The following ECT2 variants were observed in gnomAD, a reference collection of about 807,000 sequenced individuals.
The protein encoded by ECT2 is protein ECT2.
ECT2 carries 61 observed loss-of-function variants against 116.9 expected under a neutral mutation model. The ratio of observed to expected loss-of-function variants is 0.52; its 90% CI spans 0.42 to 0.65. The LOEUF (loss-of-function observed/expected upper bound fraction) is 0.65, where lower values mean the gene tolerates loss of function less well. ECT2 is among the 30% of genes least tolerant of loss of function. The pLI, the probability that ECT2 is intolerant of heterozygous loss-of-function variation, is 0.00. For synonymous variants in ECT2, 358 were observed against 346.4 expected, an observed-to-expected ratio of 1.03 and a Z score of -0.37; for missense variants, 937 against 1,078.7, an observed-to-expected ratio of 0.87 and a Z score of 1.84.
chr3:172,760,705 T>C (rs893886724), intron 7 of ECT2, among the ~76,000 whole-genome samples: 1 of 146,820 alleles, frequency 6.8e-6, no homozygotes, highest in African/African-American at 2.5e-5. Context: ...TACTCTTGTC[T>C]AAGTGCCTTT....
Position 172,816,707 on chromosome 3 carries a change from C to G in ECT2, c.2525C>G (p.Ser842Cys). The change falls in exon 24 of 25, where the codon TCT (serine) becomes TGT (cysteine). Residue 842 changes from serine to cysteine, a missense_variant. Ser to Cys is a moderately radical substitution (Grantham distance 112). Coordinates refer to ENST00000392692, the MANE Select transcript of ECT2 (RefSeq NM_001258315.2). The stretch of plus-strand genomic sequence containing the variant: ...AAACTCTAGGTTACAAGAGCATTCT[C>G]TTTCTCCAAAACTCCAAAAAGAGCT... The part of the protein sequence containing the change: ...KTSKKVTRAF[S>C]FSKTPKRALR... 1 of 1,602,978 alleles carries G rather than the reference C, an allele frequency of 6.2e-7. No individual in the cohort carries two copies. The highest frequency in any genetic ancestry group is 8.5e-7 in the Non-Finnish European group (1 of 1,172,452).
chr3:172,808,490 T>G (rs540750647), intron 22 of ECT2, among the ~76,000 whole-genome samples: 1 of 152,338 alleles, frequency 6.6e-6, no homozygotes, highest in African/African-American at 2.4e-5. Context: ...ATTATCATTA[T>G]ACTATACAGA....
intron 17 of ECT2, among the ~76,000 whole-genome samples, chr3:172,786,073 C>CT (rs1298990909): frequency 6.6e-6 from 1 of 152,100 alleles, no homozygotes; most frequent in African/African-American, 2.4e-5. Flanking sequence ...GTATAAATCT[C>CT]TAAGGTAACA....
downstream of ECT2, among the ~76,000 whole-genome samples, chr3:172,821,686 T>C (rs1730694478): frequency 1.3e-5 from 2 of 151,914 alleles, no homozygotes; most frequent in South Asian, 4.1e-4. Flanking sequence ...GTGAATCCTA[T>C]AATGTTTTAT....
intron 12 of ECT2, among the ~76,000 whole-genome samples, chr3:172,767,471 A>G (rs778956493): frequency 1.3e-5 from 2 of 152,188 alleles, no homozygotes; most frequent in Admixed American, 6.5e-5. Context: ...TCCATAGTAC[A>G]TAATTGTTTT....
intron 18 of ECT2, among the ~76,000 whole-genome samples, chr3:172,789,998 AT>A (rs35091912): frequency 0.14 from 21,364 of 149,440 alleles, 1,746 homozygotes; most frequent in Non-Finnish European, 0.19. Context: ...CGATTCACAA[AT>A]TTTTTTTTTT....
Position 172,762,540 on chromosome 3 carries a change from A to T in ECT2, c.883A>T (p.Met295Leu). The part of the protein sequence containing the change: ...EKTNMEEMTE[M>L]QGGKYLPLGD... ...AACCAATATGGAAGAAATGACTGAA[A>T]TGCAAGGTAAAATTTAGCATAATGT... Residue 295 changes from methionine (M) to leucine (L), a missense_variant, in exon 9 of 25, where the codon ATG becomes TTG. Physicochemically the swap from Met to Leu is conservative, Grantham distance 15. Transcript: ENST00000392692. 6.3e-7 allele frequency: 1 copy of T among 1,591,184 alleles called. No individual in the cohort carries two copies. The highest frequency in any genetic ancestry group is 8.5e-7 in the Non-Finnish European group (1 of 1,174,546).
chr3:172,776,198 C>CTTTTT (rs60558773), intron 14 of ECT2, among the ~76,000 whole-genome samples: 30 of 111,594 alleles, frequency 2.7e-4, no homozygotes, highest in African/African-American at 5.2e-4. Flanking sequence ...TCAGTTTTTT[C>CTTTTT]TTTTTTTTTT....
intron 24 of ECT2, among the ~76,000 whole-genome samples, chr3:172,819,878 C>T (rs35713717): frequency 0.46 from 70,579 of 151,948 alleles, 19,469 homozygotes; most frequent in East Asian, 0.69. Flanking sequence ...GGTATCACTA[C>T]TAGCAATAGG....
chr3:172,759,566 C>G (rs558835403), intron 6 of ECT2, among the ~76,000 whole-genome samples: 1 of 152,092 alleles, frequency 6.6e-6, no homozygotes, highest in African/African-American at 2.4e-5. Flanking sequence ...CTCAGCCTCC[C>G]GAGGAGCTGG....
chr3:172,785,885 A>C (rs1386070265), intron 17 of ECT2, among the ~76,000 whole-genome samples: 3 of 152,198 alleles, frequency 2.0e-5, no homozygotes, highest in Admixed American at 6.5e-5. Flanking sequence ...TTATTGTTTA[A>C]GTACTTGTAG....
In ECT2 at chr3:172,755,509, TATAAAG is replaced by T; in HGVS notation, c.243_248del (p.Ile82_Lys83del). On this transcript the variant is annotated inframe_deletion, in exon 4 of 25. Coordinates refer to ENST00000392692, the MANE Select transcript of ECT2 (RefSeq NM_001258315.2). ...CTATTAAAATAATGGAAGTCCCTGT[TATAAAG>T]ATAAAAGAAAGTTGTCCTGGAAAAT... is the stretch of plus-strand genomic sequence containing the variant. 2.0e-6 allele frequency: 3 copies of T among 1,505,632 alleles called. No homozygotes were observed. The highest frequency in any genetic ancestry group is 1.8e-6 in the Non-Finnish European group (2 of 1,115,916). The allele number at this position is 1,505,632 out of a possible 1,614,324, so 93.3% of individuals were successfully genotyped here.
intron 16 of ECT2, 104 bp downstream of exon 16, chr3:172,784,013 C>A: frequency 1.3e-6 from 1 of 749,302 alleles, no homozygotes; most frequent in Non-Finnish European, 2.1e-6. Context: ...TAAAATGTAT[C>A]CATTAATATC....
intron 18 of ECT2, among the ~76,000 whole-genome samples, chr3:172,793,443 G>C (rs556693696): frequency 2.7e-5 from 4 of 149,756 alleles, no homozygotes; most frequent in Non-Finnish European, 4.4e-5. Flanking sequence ...GTGAGCCCCC[G>C]CGCCCAGCCT....
chr3:172,809,098 C>T (rs576985467), intron 22 of ECT2, among the ~76,000 whole-genome samples: 1 of 151,954 alleles, frequency 6.6e-6, no homozygotes, highest in Non-Finnish European at 1.5e-5. Flanking sequence ...TATCCATCCA[C>T]TTTTTCTAGG....
chr3:172,790,588 A>G (rs1331710534), intron 18 of ECT2, among the ~76,000 whole-genome samples: 1 of 152,206 alleles, frequency 6.6e-6, no homozygotes, highest in Non-Finnish European at 1.5e-5. Flanking sequence ...CAATTGACTT[A>G]GTGATTCTTG....
At chr3:172,772,461 G>A (rs1720841548) in intron 13 of ECT2, among the ~76,000 whole-genome samples, 1 of 152,176 alleles carries the variant, frequency 6.6e-6, no homozygotes, top group Admixed American at 6.5e-5. Context: ...CTCTCACAGT[G>A]CTGGGATTAC....
At chr3:172,771,513 T>G (rs1033087546) in intron 13 of ECT2, 1 of 152,214 alleles carries the variant, frequency 6.6e-6, no homozygotes, top group African/African-American at 2.4e-5. Flanking sequence ...GTATTATCAA[T>G]AGCAAGGGTG....
Position 172,773,890 on chromosome 3 carries a change from T to C in ECT2, c.1429-13T>C. 6.2e-7 allele frequency: 1 copy of C among 1,611,704 alleles called. No homozygotes were observed. Among genetic ancestry groups the C allele is most frequent in the East Asian group, 2.2e-5 (1 of 44,816 alleles). On this transcript the variant is annotated splice_polypyrimidine_tract_variant and intron_variant, in intron 13 of 24. Coordinates refer to ENST00000392692, the MANE Select transcript of ECT2 (RefSeq NM_001258315.2). ...CCCACAATCTACTTAAACTAGTCTT[T>C]TTTCTCATTTAGTTATTTCAAGTAC... is the stretch of plus-strand genomic sequence containing the variant.
Sources: allele counts gnomAD v4.1 joint callset (sites outside exome capture counted in the v4.1 genomes callset), GRCh38; gene constraint gnomAD v4.1.1; transcripts MANE v1.5; gene names NCBI Gene and HGNC (gene_info 2026-07-23, HGNC 2026-07-21).